The following ARHGEF17 variants were observed in gnomAD, a reference collection of about 807,000 sequenced individuals.
The protein encoded by ARHGEF17 is Rho guanine nucleotide exchange factor 17, also known as 164 kDa Rho-specific guanine-nucleotide exchange factor.
In ARHGEF17, 80 loss-of-function variants were observed where a neutral mutation model predicts 174.0. That is an observed-to-expected ratio of 0.46 (90% confidence interval 0.38 to 0.55). The LOEUF (loss-of-function observed/expected upper bound fraction) is 0.55. Among genes scored for constraint, ARHGEF17 ranks in the 20% least tolerant of loss-of-function variants. The probability of loss-of-function intolerance (pLI) is 0.00; values close to 1 mark genes in which losing one functional copy is unlikely to be tolerated. For synonymous variants in ARHGEF17, 1,311 were observed against 1,189.1 expected (o/e 1.10, Z -2.11); for missense variants, 2,886 against 2,839.7 (o/e 1.02, Z -0.37).
intron 12 of ARHGEF17, 31 bp downstream of exon 12, chr11:73,361,192 T>G: frequency 6.2e-7 from 1 of 1,606,828 alleles, no homozygotes; most frequent in Non-Finnish European, 8.5e-7. Flanking sequence ...CTTGGGTACA[T>G]GTTTTCAAAG....
At chr11:73,331,263 C>A (rs1422834273) in intron 1 of ARHGEF17, among the ~76,000 whole-genome samples, 1 of 152,196 alleles carries the variant, frequency 6.6e-6, no homozygotes, top group East Asian at 1.9e-4. Flanking sequence ...ACCCCTAGCC[C>A]TTACCCATGT....
intron 20 of ARHGEF17, 82 bp downstream of exon 20, chr11:73,366,029 C>G: frequency 6.6e-7 from 1 of 1,514,326 alleles, no homozygotes; most frequent in Non-Finnish European, 8.9e-7. Context: ...GAAGAGCTTT[C>G]AAGAGGGAGG....
At position 73,365,679 on chromosome 11, in the gene ARHGEF17, C is replaced by T. The variant is rs755547545; in HGVS notation, c.5727C>T (p.Gly1909=). 28 of 1,611,894 alleles carry T rather than the reference C, an allele frequency of 1.7e-5. No individual in the cohort carries two copies. Among genetic ancestry groups the T allele is most frequent in the Non-Finnish European group, 2.3e-5 (27 of 1,178,710 alleles). Reference sequence around the variant, plus strand: ...GCTGTGGTCTGTCTCCCACCCCAGGCTCGGATGCCATCATCCGGCAGCACA... The same window carrying T: ...GCTGTGGTCTGTCTCCCACCCCAGGTTCGGATGCCATCATCCGGCAGCACA... The part of the protein sequence containing the change: ...VTPPVHRMLA[G]SDAIIRQHKA... Residue 1909 remains glycine (G), a splice_region_variant and synonymous_variant, in exon 20 of 21, where the codon GGC becomes GGT. Transcript: ENST00000263674. The surrounding 1 kb of genome is among the most constrained non-coding windows in gnomAD (Gnocchi z 4.9).
chr11:73,358,092 C>T (rs1865675248), intron 9 of ARHGEF17, among the ~76,000 whole-genome samples: 3 of 152,232 alleles, frequency 2.0e-5, no homozygotes, highest in Admixed American at 2.0e-4. Flanking sequence ...GTCCAGTCAG[C>T]TGTGAGCAAG....
chr11:73,323,561 T>C lies in ARHGEF17; in HGVS notation c.3192+11731T>C, dbSNP rs192629035. Among the ~76,000 whole-genome samples the C allele has an allele frequency of 2.1e-4, 32 of 152,266 alleles. No homozygotes were observed. In the East Asian group the frequency reaches 5.4e-3, roughly 26 times the overall value. Reference sequence around the variant, plus strand: ...CTTTAGGGAGAGGAGTGCCTCACACTGGGGGCCTGAGCGGAAAGCCTGCTT... The same window carrying C: ...CTTTAGGGAGAGGAGTGCCTCACACCGGGGGCCTGAGCGGAAAGCCTGCTT... On this transcript the variant is annotated intron_variant, in intron 1 of 20. Transcript: ENST00000263674.
At chr11:73,324,049 G>A (rs1865062388) in intron 1 of ARHGEF17, among the ~76,000 whole-genome samples, 1 of 152,184 alleles carries the variant, frequency 6.6e-6, no homozygotes, top group South Asian at 2.1e-4. Flanking sequence ...CCTTTAGAGA[G>A]CCAGACAGAG....
Position 73,308,385 on chromosome 11 carries a change from C to G in ARHGEF17, c.-254C>G, listed in dbSNP as rs1043668893. On this transcript the variant is annotated 5_prime_UTR_variant, in exon 1 of 21. Transcript: ENST00000263674. ...CGGTGCCGCGGTGCCCCTGGTCGCT[C>G]CAGCCGCGGCGGGGGCTGGGCCTGG... 30 of 384,978 alleles carry G rather than the reference C, an allele frequency of 7.8e-5. No homozygotes were observed. Among genetic ancestry groups the G allele is most frequent in the African/African-American group, 5.4e-4 (26 of 47,926 alleles). 23.8% of individuals were successfully genotyped at this position (384,978 alleles called of 1,614,324 possible). A position where few individuals can be genotyped will look rare whatever the true frequency, so the allele number is the denominator to read the frequency against.
At chr11:73,327,775 C>T (rs7123298) in intron 1 of ARHGEF17, among the ~76,000 whole-genome samples, 46,585 of 151,718 alleles carry the variant, frequency 0.31, 9,402 homozygotes, top group African/African-American at 0.58. Context: ...GTCATTGAGA[C>T]TCTCGGGGGA....
At chr11:73,359,121 G>A (rs1865694181) in intron 9 of ARHGEF17, among the ~76,000 whole-genome samples, 1 of 152,104 alleles carries the variant, frequency 6.6e-6, no homozygotes, top group Non-Finnish European at 1.5e-5. Context: ...TGCAACCTGT[G>A]GCCCAAATAT....
At position 73,352,910 on chromosome 11, in the gene ARHGEF17, C is replaced by A. The variant is rs776870409; in HGVS notation, c.3351C>A (p.Ile1117=). Residue 1117 remains isoleucine (I), a synonymous_variant, in exon 3 of 21, where the codon ATC becomes ATA. Transcript: ENST00000263674. ...TGGTGGACGAGATCTTCGACCAGAT[C>A]CCCGAGCTCCTGGAGCACCACGAGC... The part of the protein sequence containing the change: ...PSLVDEIFDQ[I]PELLEHHEQF... 9.3e-6 allele frequency: 15 copies of A among 1,614,046 alleles called. No individual in the cohort carries two copies. Among genetic ancestry groups the A allele is most frequent in the Non-Finnish European group, 1.3e-5 (15 of 1,180,042 alleles).
intron 1 of ARHGEF17, among the ~76,000 whole-genome samples, chr11:73,313,108 C>T (rs1398038739): frequency 6.6e-6 from 1 of 152,228 alleles, no homozygotes; most frequent in Non-Finnish European, 1.5e-5. Context: ...TCCCAGCACT[C>T]TCATGGCCCC....
At chr11:73,356,795 A>G (rs772556060) in intron 7 of ARHGEF17, 36 bp downstream of exon 7, 22 of 1,613,216 alleles carry the variant, frequency 1.4e-5, no homozygotes, top group Non-Finnish European at 1.8e-5. Context: ...GGCTGTCCCC[A>G]CCTCCTCACT....
At chr11:73,343,858 C>T (rs540648188) in intron 1 of ARHGEF17, among the ~76,000 whole-genome samples, 5 of 152,308 alleles carry the variant, frequency 3.3e-5, no homozygotes, top group East Asian at 3.9e-4. Context: ...GTCCCCTCCC[C>T]GTGCAATGAT....
At chr11:73,347,685 A>G (rs111997079) in intron 2 of ARHGEF17, among the ~76,000 whole-genome samples, 273 of 152,374 alleles carry the variant, frequency 1.8e-3, no homozygotes, top group African/African-American at 6.2e-3. Context: ...AGTTGGAGGC[A>G]GTAGATTCTG....
rs146275379 is a variant in ARHGEF17 at position 73,310,971 on chromosome 11, G to A, written c.2333G>A (p.Gly778Asp). ...GLPATSAMDE[G>D]LTSGHSDWSV... Reference sequence around the variant, plus strand: ...CCTGCCACCTCAGCCATGGATGAGGGCTTGACCAGTGGTCACAGTGACTGG... The same window carrying A: ...CCTGCCACCTCAGCCATGGATGAGGACTTGACCAGTGGTCACAGTGACTGG... The change falls in exon 1 of 21, where the codon GGC (glycine) becomes GAC (aspartate). Residue 778 changes from glycine to aspartate, a missense_variant. Physicochemically the swap from Gly to Asp is moderately conservative, Grantham distance 94. Transcript: ENST00000263674. 7.4e-6 allele frequency: 12 copies of A among 1,614,052 alleles called. No individual in the cohort carries two copies. The African/African-American group carries it at 1.6e-4, about 22-fold the overall frequency.
chr11:73,321,603 C>T (rs1162932740), intron 1 of ARHGEF17, among the ~76,000 whole-genome samples: 5 of 152,218 alleles, frequency 3.3e-5, no homozygotes, highest in East Asian at 1.9e-4. Flanking sequence ...GCTTGTGGAG[C>T]GCTCAGCCCT....
intron 1 of ARHGEF17, among the ~76,000 whole-genome samples, chr11:73,319,540 A>G (rs1864982471): frequency 6.6e-6 from 1 of 152,186 alleles, no homozygotes; most frequent in Non-Finnish European, 1.5e-5. Context: ...CAGGGCCATT[A>G]TTCTTTCTAC....
rs1161926747 is a variant in ARHGEF17, at chr11:73,357,227, A to G, written c.4002-15A>G. 1 of 1,613,474 alleles carries G rather than the reference A, an allele frequency of 6.2e-7. No homozygotes were observed. Among genetic ancestry groups the G allele is most frequent in the African/African-American group, 1.3e-5 (1 of 75,012 alleles). On this transcript the variant is annotated splice_polypyrimidine_tract_variant and intron_variant, in intron 8 of 20. Coordinates refer to ENST00000263674, the MANE Select transcript of ARHGEF17 (RefSeq NM_014786.4). ...TCCCCGACCCTGGCCAGAGCGCCCC[A>G]TTGGCTCCCCACAGGTACACGGCAG...
chr11:73,348,714 A>T (rs1254453180), intron 2 of ARHGEF17, among the ~76,000 whole-genome samples: 1 of 152,236 alleles, frequency 6.6e-6, no homozygotes, highest in Non-Finnish European at 1.5e-5. Flanking sequence ...GTCACACATT[A>T]TGAATGTATT....
Sources: allele counts gnomAD v4.1 joint callset (sites outside exome capture counted in the v4.1 genomes callset), GRCh38; gene constraint gnomAD v4.1.1; non-coding constraint Gnocchi (gnomAD v3.1); transcripts MANE v1.5; gene names NCBI Gene and HGNC (gene_info 2026-07-23, HGNC 2026-07-21).